The following ANKRD44 variants were observed in gnomAD, a reference collection of about 807,000 sequenced individuals.
The protein encoded by ANKRD44 is serine/threonine-protein phosphatase 6 regulatory ankyrin repeat subunit B.
ANKRD44 carries 35 observed loss-of-function variants against 116.0 expected under a neutral mutation model. The ratio of observed to expected loss-of-function variants is 0.30; its 90% confidence interval spans 0.23 to 0.40. ANKRD44 has a LOEUF of 0.40. ANKRD44 is among the 10% of genes least tolerant of loss of function. ANKRD44 has a pLI of 1.00. For missense variants in ANKRD44, 1,014 were observed against 1,242.6 expected, an observed-to-expected ratio of 0.82 and a Z score of 2.77; for synonymous variants, 435 against 461.8, an observed-to-expected ratio of 0.94 and a Z score of 0.74.
At chr2:197,234,400 C>T (rs911562164) in intron 1 of ANKRD44, among the ~76,000 whole-genome samples, 1 of 152,184 alleles carries the variant, frequency 6.6e-6, no homozygotes, top group African/African-American at 2.4e-5. Flanking sequence ...CCATGTTGCC[C>T]AGGCTGGTCT....
At chr2:197,152,168 T>C (rs2125452716) in intron 2 of ANKRD44, among the ~76,000 whole-genome samples, 1 of 152,332 alleles carries the variant, frequency 6.6e-6, no homozygotes, top group East Asian at 1.9e-4. Flanking sequence ...AGCATTAACC[T>C]ATAGTGGCCG....
intron 1 of ANKRD44, among the ~76,000 whole-genome samples, chr2:197,297,982 T>C (rs1291866247): frequency 6.6e-6 from 1 of 152,240 alleles, no homozygotes; most frequent in African/African-American, 2.4e-5. Flanking sequence ...GGCCACTTCT[T>C]ATGCTTATGG....
At chr2:197,118,637 G>GAGAGAGAGAGAGAGAGAGAGAAAGAA (rs773839262) in intron 8 of ANKRD44, among the ~76,000 whole-genome samples, 2 of 112,358 alleles carry the variant, frequency 1.8e-5, no homozygotes, top group South Asian at 3.0e-4. Context: ...GAGAGAGAGA[G>GAGAGAGAGAGAGAGAGAGAGAAAGAA]AGAAAGAAAG....
chr2:197,117,156 G>A (rs2078729630), intron 8 of ANKRD44, among the ~76,000 whole-genome samples: 1 of 151,434 alleles, frequency 6.6e-6, no homozygotes, highest in African/African-American at 2.4e-5. Context: ...TCTGGCCCCA[G>A]AACGGAACAC....
At position 197,296,160 on chromosome 2, in the gene ANKRD44, T is replaced by C. The variant is rs2083715393; in HGVS notation, c.27+14418A>G. ...GGCAGTGGGGTGCTTAAAACCAGAG[T>C]TGTTGCAGGAACCTAGTCACTAGTC... On this transcript the variant is annotated intron_variant, in intron 1 of 27. Coordinates refer to ENST00000282272, the MANE Select transcript of ANKRD44 (RefSeq NM_001195144.2). The C allele has an allele frequency of 2.0e-5, 3 of 152,182 alleles. No individual in the cohort carries two copies. In the South Asian group the frequency reaches 6.2e-4, roughly 32 times the overall value. 9.4% of individuals were successfully genotyped at this position (152,182 alleles called of 1,614,324 possible).
intron 15 of ANKRD44, among the ~76,000 whole-genome samples, chr2:197,080,400 G>A (rs550600633): frequency 5.9e-5 from 9 of 152,154 alleles, no homozygotes; most frequent in Admixed American, 5.9e-4. Context: ...CGTCAGAGGC[G>A]TATCTGGATA....
chr2:197,224,136 C>T (rs957327474), intron 1 of ANKRD44, among the ~76,000 whole-genome samples: 6 of 152,142 alleles, frequency 3.9e-5, no homozygotes, highest in African/African-American at 4.8e-5. Flanking sequence ...GAAGGTAAAT[C>T]GAGTCCTGGA....
intron 2 of ANKRD44, among the ~76,000 whole-genome samples, chr2:197,170,798 C>G (rs564253211): frequency 6.6e-6 from 1 of 152,242 alleles, no homozygotes; most frequent in East Asian, 1.9e-4. Flanking sequence ...GTGAGATTCT[C>G]TATTTAAATT....
At chr2:197,080,300 C>T (rs776246447) in intron 15 of ANKRD44, among the ~76,000 whole-genome samples, 3 of 152,102 alleles carry the variant, frequency 2.0e-5, no homozygotes, top group Non-Finnish European at 2.9e-5. Flanking sequence ...ACATGCATTC[C>T]GTGTTTTCAC....
intron 1 of ANKRD44, among the ~76,000 whole-genome samples, chr2:197,287,930 G>A (rs1181994565): frequency 6.9e-6 from 1 of 145,298 alleles, no homozygotes; most frequent in African/African-American, 2.5e-5. Flanking sequence ...TGAGGCCAGA[G>A]AACCACTTGA....
At chr2:197,145,135 C>T (rs2079464667) in intron 3 of ANKRD44, among the ~76,000 whole-genome samples, 1 of 151,814 alleles carries the variant, frequency 6.6e-6, no homozygotes. Flanking sequence ...ACTAAAAATA[C>T]AAAAAATTAG....
chr2:197,147,820 G>C (rs1203216418), intron 2 of ANKRD44: 1 of 450,964 alleles, frequency 2.2e-6, no homozygotes, highest in Non-Finnish European at 4.4e-6. Context: ...ATGGGAATAA[G>C]AGTGGTCAGT....
chr2:196,989,545 C>G lies in ANKRD44; in HGVS notation c.*46G>C, dbSNP rs1264598049. ...ACACATATATATATATATACACACG[C>G]ACACATATATGTGTGCATGTGTATG... is the stretch of plus-strand genomic sequence containing the variant. On this transcript the variant is annotated 3_prime_UTR_variant, in exon 28 of 28. Transcript: ENST00000282272. 6.5e-7 allele frequency: 1 copy of G among 1,545,132 alleles called. No homozygotes were observed. The highest frequency in any genetic ancestry group is 8.7e-7 in the Non-Finnish European group (1 of 1,144,362).
intron 1 of ANKRD44, among the ~76,000 whole-genome samples, chr2:197,218,206 T>C (rs997605295): frequency 1.3e-5 from 2 of 152,150 alleles, no homozygotes; most frequent in Non-Finnish European, 1.5e-5. Context: ...AAAAAAGATA[T>C]TCCAATAGAA....
In ANKRD44 at chr2:197,076,051, G is replaced by C. The variant is rs568534664; in HGVS notation, c.1650+2652C>G. On this transcript the variant is annotated intron_variant, in intron 16 of 27. Transcript: ENST00000282272. Reference sequence around the variant, plus strand: ...GTCCCTGGACCGGTAGTGAAGGCCAGAGGACCACACATACTCATTTACTCT... The same window carrying C: ...GTCCCTGGACCGGTAGTGAAGGCCACAGGACCACACATACTCATTTACTCT... Among the ~76,000 whole-genome samples, 3 of 152,296 alleles carry C rather than the reference G, an allele frequency of 2.0e-5. No homozygotes were observed. In the East Asian group the frequency reaches 5.8e-4, roughly 29 times the overall value.
At chr2:197,213,068 G>A (rs934998809) in intron 1 of ANKRD44, among the ~76,000 whole-genome samples, 7 of 152,158 alleles carry the variant, frequency 4.6e-5, no homozygotes, top group Non-Finnish European at 7.4e-5. Flanking sequence ...GCCTCCACAA[G>A]GGATAGTATA....
chr2:197,026,249 C>A lies in ANKRD44; in HGVS notation c.1651-982G>T, dbSNP rs889053985. Among the ~76,000 whole-genome samples the A allele has an allele frequency of 2.0e-5, 3 of 152,192 alleles. No homozygotes were observed. The East Asian group carries it at 5.8e-4, about 29-fold the overall frequency. On this transcript the variant is annotated intron_variant, in intron 16 of 27. Transcript: ENST00000282272. ...CCATAATAGACCAAGTATCAAAAAT[C>A]TGTTTTCCTATTGCAGAGGTGGACC...
intron 20 of ANKRD44, among the ~76,000 whole-genome samples, chr2:197,006,287 T>A (rs118105536): frequency 0.014 from 2,113 of 151,708 alleles, 51 homozygotes; most frequent in East Asian, 0.11. Flanking sequence ...CTAAAAAAAA[T>A]ACGAAAAATT....
At chr2:197,061,801 G>A (rs1423783716) in intron 16 of ANKRD44, among the ~76,000 whole-genome samples, 3 of 89,352 alleles carry the variant, frequency 3.4e-5, no homozygotes, top group African/African-American at 1.1e-4. Context: ...TTTTTTCTGA[G>A]GCAGAGTCTC....
Sources: allele counts gnomAD v4.1 joint callset (sites outside exome capture counted in the v4.1 genomes callset), GRCh38; gene constraint gnomAD v4.1.1; transcripts MANE v1.5; gene names NCBI Gene and HGNC (gene_info 2026-07-23, HGNC 2026-07-21).